Variants in KAZN observed in about 807,000 individuals in gnomAD.
KAZN encodes kazrin.
In KAZN, 40 loss-of-function variants were observed where a neutral mutation model predicts 87.4. That is an observed-to-expected ratio of 0.46 (90% CI 0.36 to 0.60). The LOEUF (loss-of-function observed/expected upper bound fraction) is 0.60, where lower values mean the gene tolerates loss of function less well. Ranked by LOEUF, KAZN falls within the 20% of genes least tolerant of loss-of-function variation. The pLI, the probability that KAZN is intolerant of heterozygous loss-of-function variation, is 0.00. For missense variants in KAZN, 898 were observed against 1,073.9 expected (o/e 0.84, Z 2.29); for synonymous variants, 466 against 458.3 (o/e 1.02, Z -0.22).
chr1:14,061,757 G>A (rs999789824), intron 1 of KAZN, among the ~76,000 whole-genome samples: 24 of 152,232 alleles, frequency 1.6e-4, no homozygotes, highest in African/African-American at 5.5e-4. Flanking sequence ...TTTGTCTAAA[G>A]AATGAGTAGA....
chr1:13,956,102 A>G (rs557582741), intron 1 of KAZN, among the ~76,000 whole-genome samples: 2 of 152,312 alleles, frequency 1.3e-5, no homozygotes, highest in East Asian at 3.9e-4. Context: ...CCGGAAACTC[A>G]GTTCCCATTT....
intron 1 of KAZN, among the ~76,000 whole-genome samples, chr1:14,805,451 G>A (rs1226303243): frequency 6.6e-6 from 1 of 152,110 alleles, no homozygotes; most frequent in Non-Finnish European, 1.5e-5. Flanking sequence ...AAAGGAAGCT[G>A]GAAAAATGGA....
At chr1:14,396,826 T>C (rs1158303477) in intron 2 of KAZN, among the ~76,000 whole-genome samples, 1 of 152,164 alleles carries the variant, frequency 6.6e-6, no homozygotes, top group Non-Finnish European at 1.5e-5. Context: ...ATTGAAAAAG[T>C]CCTGTCACCT....
chr1:14,195,514 C>CACACAG, intron 2 of KAZN, among the ~76,000 whole-genome samples: 1 of 98,468 alleles, frequency 1.0e-5, no homozygotes, highest in East Asian at 2.2e-4. Flanking sequence ...AAACGGCTCA[C>CACACAG]ACACACACAC....
intron 1 of KAZN, among the ~76,000 whole-genome samples, chr1:14,107,990 A>G (rs373286953): frequency 6.6e-6 from 1 of 152,002 alleles, no homozygotes; most frequent in Admixed American, 6.6e-5. Context: ...GATTTCTAAG[A>G]TCATCTCTCT....
chr1:14,429,257 C>T (rs1665910689), intron 2 of KAZN, among the ~76,000 whole-genome samples: 1 of 152,154 alleles, frequency 6.6e-6, no homozygotes, highest in African/African-American at 2.4e-5. Flanking sequence ...CCCCACAGGG[C>T]CCTCCTGGGT....
intron 2 of KAZN, among the ~76,000 whole-genome samples, chr1:14,317,059 T>C (rs1392729685): frequency 6.6e-6 from 1 of 151,914 alleles, no homozygotes; most frequent in Non-Finnish European, 1.5e-5. Flanking sequence ...ATTGGTTGAG[T>C]ATTGTTCATG....
intron 1 of KAZN, among the ~76,000 whole-genome samples, chr1:14,905,705 A>G (rs550194943): frequency 2.5e-3 from 376 of 151,296 alleles, no homozygotes; most frequent in African/African-American, 8.4e-3. Context: ...TTAGCTGGGC[A>G]TGGTGGCACG....
At chr1:14,706,133 A>T (rs2148813599) in intron 1 of KAZN, among the ~76,000 whole-genome samples, 1 of 152,206 alleles carries the variant, frequency 6.6e-6, no homozygotes, top group Middle Eastern at 3.4e-3. Context: ...GAGAATTGAG[A>T]ATCTAATGCC....
intron 1 of KAZN, among the ~76,000 whole-genome samples, chr1:13,927,970 G>T (rs1640351004): frequency 6.6e-6 from 1 of 152,202 alleles, no homozygotes; most frequent in South Asian, 2.1e-4. Context: ...CCTGGCAGTG[G>T]GTTCAAGGAA....
intron 10 of KAZN, among the ~76,000 whole-genome samples, chr1:15,095,398 G>A (rs976062094): frequency 2.6e-5 from 4 of 152,132 alleles, no homozygotes; most frequent in Non-Finnish European, 5.9e-5. Context: ...ATAGAGGAGC[G>A]GGCCAGGTGG....
intron 1 of KAZN, among the ~76,000 whole-genome samples, chr1:14,058,971 T>C (rs2101505043): frequency 1.3e-5 from 2 of 152,286 alleles, no homozygotes; most frequent in South Asian, 4.1e-4. Context: ...GCTGGAATTA[T>C]TGCTATGATG....
At chr1:14,455,583 A>ATT in intron 2 of KAZN, among the ~76,000 whole-genome samples, 1 of 152,232 alleles carries the variant, frequency 6.6e-6, no homozygotes, top group Non-Finnish European at 1.5e-5. Flanking sequence ...TTGCATGAAT[A>ATT]TGGACAGTGA....
intron 2 of KAZN, among the ~76,000 whole-genome samples, chr1:14,327,771 T>C (rs1656545188): frequency 6.6e-6 from 1 of 152,200 alleles, no homozygotes; most frequent in African/African-American, 2.4e-5. Flanking sequence ...CGGTGTTCTT[T>C]GTACAAACAC....
intron 1 of KAZN, among the ~76,000 whole-genome samples, chr1:13,998,467 A>AG (rs1639626363): frequency 6.6e-6 from 1 of 152,228 alleles, no homozygotes; most frequent in African/African-American, 2.4e-5. Context: ...GGTGTGCTGT[A>AG]TTCAGGAGAC....
intron 2 of KAZN, among the ~76,000 whole-genome samples, chr1:14,200,661 G>A (rs1646620607): frequency 6.6e-6 from 1 of 152,128 alleles, no homozygotes; most frequent in African/African-American, 2.4e-5. Flanking sequence ...TGAAGCAAGT[G>A]CAATTGTGTG....
intron 2 of KAZN, among the ~76,000 whole-genome samples, chr1:14,477,800 A>T (rs948705125): frequency 7.9e-5 from 12 of 152,196 alleles, no homozygotes; most frequent in African/African-American, 2.9e-4. Flanking sequence ...CGTCCAGAGG[A>T]GCTGACTCTC....
At chr1:14,392,412 T>C (rs1031036948) in intron 2 of KAZN, among the ~76,000 whole-genome samples, 4 of 152,146 alleles carry the variant, frequency 2.6e-5, no homozygotes, top group Admixed American at 6.5e-5. Context: ...ATCTCTCCTG[T>C]AGCTGGATTC....
At chr1:14,506,198 C>T (rs1179534102) in intron 2 of KAZN, among the ~76,000 whole-genome samples, 1 of 152,146 alleles carries the variant, frequency 6.6e-6, no homozygotes, top group Non-Finnish European at 1.5e-5. Context: ...GCATCTGTGC[C>T]ACACAGTGGG....
Sources: gnomAD v4.1 joint callset for allele counts (sites outside exome capture counted in the v4.1 genomes callset) on GRCh38, gnomAD v4.1.1 for gene constraint, MANE v1.5 for transcripts, NCBI Gene and HGNC (gene_info 2026-07-23, HGNC 2026-07-21) for gene names.